Variants in CCBE1 observed in about 807,000 individuals in gnomAD.
CCBE1 encodes the protein collagen and calcium binding EGF domains 1, also known as collagen and calcium-binding EGF domain-containing protein 1.
CCBE1 carries 37 observed loss-of-function variants against 50.0 expected under a neutral mutation model. The ratio of observed to expected loss-of-function variants is 0.74; its 90% CI spans 0.57 to 0.97. The LOEUF is 0.97. Among genes scored for constraint, CCBE1 ranks in the 50% least tolerant of loss-of-function variants. The pLI is 0.00. For synonymous variants in CCBE1, 234 were observed against 203.7 expected (o/e 1.15, Z -1.27); for missense variants, 538 against 523.8 (o/e 1.03, Z -0.26).
chr18:59,591,587 A>G (rs923862618), intron 2 of CCBE1, among the ~76,000 whole-genome samples: 3 of 152,218 alleles, frequency 2.0e-5, no homozygotes, highest in Admixed American at 6.5e-5. Flanking sequence ...AAATGATCTT[A>G]AGTGTGTTAA....
At chr18:59,693,895 C>G (rs563690712) in intron 2 of CCBE1, among the ~76,000 whole-genome samples, 1 of 73,200 alleles carries the variant, frequency 1.4e-5, no homozygotes, top group Admixed American at 2.3e-4. Flanking sequence ...TTTTTTGAGA[C>G]AGAGTCTTGC....
chr18:59,647,933 AACT>A (rs1479960634), intron 2 of CCBE1, among the ~76,000 whole-genome samples: 11 of 152,218 alleles, frequency 7.2e-5, no homozygotes, highest in Admixed American at 6.5e-4. Flanking sequence ...TATTCCCCGA[AACT>A]ACAAAATATT....
chr18:59,660,187 T>G (rs1295860392), intron 2 of CCBE1, among the ~76,000 whole-genome samples: 1 of 152,212 alleles, frequency 6.6e-6, no homozygotes, highest in Non-Finnish European at 1.5e-5. Flanking sequence ...AAGGGATATC[T>G]TTTCCCAGTT....
intron 2 of CCBE1, among the ~76,000 whole-genome samples, chr18:59,591,806 G>A (rs2053273971): frequency 6.6e-6 from 1 of 152,176 alleles, no homozygotes; most frequent in Admixed American, 6.5e-5. Context: ...TCGCTTTTAG[G>A]TATTCGTGCT....
rs944631651 is a variant in CCBE1 at position 59,466,731 on chromosome 18, C to T, written c.553+8G>A. On this transcript the variant is annotated splice_region_variant and intron_variant, in intron 5 of 10. Coordinates refer to ENST00000439986, the MANE Select transcript of CCBE1 (RefSeq NM_133459.4). The stretch of plus-strand genomic sequence containing the variant: ...AATTAGGGAGATATTTAGACTTGCC[C>T]TACTTACCAGTGTCATTGGGATATT... 2.5e-6 allele frequency: 4 copies of T among 1,610,072 alleles called. No individual in the cohort carries two copies. In the African/African-American group the frequency reaches 4.0e-5, roughly 16 times the overall value.
chr18:59,642,704 C>T (rs973820355), intron 2 of CCBE1, among the ~76,000 whole-genome samples: 2 of 152,102 alleles, frequency 1.3e-5, no homozygotes, highest in Admixed American at 6.5e-5. Flanking sequence ...AATCCCAGCA[C>T]TTTGGGAGGC....
chr18:59,632,956 G>A (rs1178248102), intron 2 of CCBE1, among the ~76,000 whole-genome samples: 1 of 152,108 alleles, frequency 6.6e-6, no homozygotes, highest in Non-Finnish European at 1.5e-5. Flanking sequence ...AGACCAAGGG[G>A]AGGACCACAA....
At chr18:59,691,810 AC>A (rs2054737287) in intron 2 of CCBE1, among the ~76,000 whole-genome samples, 1 of 152,172 alleles carries the variant, frequency 6.6e-6, no homozygotes, top group African/African-American at 2.4e-5. Flanking sequence ...TATGCCAGCC[AC>A]AGGACAGGGA....
At chr18:59,536,490 T>A (rs977174377) in intron 2 of CCBE1, among the ~76,000 whole-genome samples, 1 of 152,218 alleles carries the variant, frequency 6.6e-6, no homozygotes, top group Non-Finnish European at 1.5e-5. Flanking sequence ...AAGATTTCTA[T>A]GTTCAAAGGA....
chr18:59,586,930 C>T (rs1226952738), intron 2 of CCBE1, among the ~76,000 whole-genome samples: 1 of 152,152 alleles, frequency 6.6e-6, no homozygotes, highest in African/African-American at 2.4e-5. Context: ...GGATAGCAAA[C>T]TTTCCATGAG....
chr18:59,543,121 A>G (rs1023760134), intron 2 of CCBE1, among the ~76,000 whole-genome samples: 17 of 151,756 alleles, frequency 1.1e-4, no homozygotes, highest in Admixed American at 1.1e-3. Flanking sequence ...TGCTTTCCAT[A>G]TTTTACACAA....
At chr18:59,508,364 G>A (rs982555171) in intron 2 of CCBE1, among the ~76,000 whole-genome samples, 4 of 152,012 alleles carry the variant, frequency 2.6e-5, no homozygotes, top group South Asian at 2.1e-4. Context: ...TTGGGAGGCC[G>A]AGGCAGGTGG....
chr18:59,685,086 A>T (rs1599135924), intron 2 of CCBE1, among the ~76,000 whole-genome samples: 1 of 152,234 alleles, frequency 6.6e-6, no homozygotes, highest in African/African-American at 2.4e-5. Flanking sequence ...ATACTGAGCC[A>T]TGTTTATATC....
At chr18:59,548,739 G>GTGTTCAATAAT (rs1915803951) in intron 2 of CCBE1, among the ~76,000 whole-genome samples, 2 of 152,000 alleles carry the variant, frequency 1.3e-5, no homozygotes, top group Admixed American at 1.3e-4. Context: ...ATTACCTGAG[G>GTGTTCAATAAT]TGTTCAAATA....
chr18:59,491,686 T>G (rs1211032802), intron 2 of CCBE1, among the ~76,000 whole-genome samples: 2 of 151,572 alleles, frequency 1.3e-5, no homozygotes, highest in African/African-American at 4.9e-5. Context: ...TGGTGGCATG[T>G]GCCTGTAGTC....
rs117978774 is a variant in CCBE1, at chr18:59,615,687, C to T, written c.212+80942G>A. The stretch of plus-strand genomic sequence containing the variant: ...ATATAGTTTATTTAACCAGCTGCCT[C>T]GTTCCATAAGGTATGAGGTTATTTC... On this transcript the variant is annotated intron_variant, in intron 2 of 10. Transcript: ENST00000439986. 2.4e-3 allele frequency among the ~76,000 whole-genome samples: 370 copies of T among 152,310 alleles called. 10 individuals carry two copies. In the East Asian group the frequency reaches 0.037, roughly 15 times the overall value.
chr18:59,539,099 C>A (rs934734555), intron 2 of CCBE1, among the ~76,000 whole-genome samples: 3 of 151,946 alleles, frequency 2.0e-5, no homozygotes, highest in Non-Finnish European at 4.4e-5. Flanking sequence ...CCGCTTGAGC[C>A]CAAGAGGTCA....
At position 59,601,010 on chromosome 18, in the gene CCBE1, G is replaced by GT. The variant is rs71177045; in HGVS notation, c.212+95618dup. Among the ~76,000 whole-genome samples the GT allele has an allele frequency of 5.2e-3, 300 of 58,006 alleles. 99 individuals carry two copies. Among genetic ancestry groups the GT allele is most frequent in the Non-Finnish European group, 7.5e-3 (213 of 28,340 alleles). 38.1% of individuals were successfully genotyped at this position (58,006 alleles called of 152,430 possible). On this transcript the variant is annotated intron_variant, in intron 2 of 10. Transcript: ENST00000439986. ...GATCTATTTTATTAGCTATGTGTCA[G>GT]TTTTTTTTTTTTTTTTTTTTTTTTT...
At chr18:59,441,480 T>C (rs1439355275) in intron 7 of CCBE1, among the ~76,000 whole-genome samples, 4 of 85,102 alleles carry the variant, frequency 4.7e-5, no homozygotes, top group African/African-American at 1.5e-4. Flanking sequence ...CGAGACTCCA[T>C]CTCAAAAAAA....
Sources: gnomAD v4.1 joint callset for allele counts (sites outside exome capture counted in the v4.1 genomes callset) on GRCh38, gnomAD v4.1.1 for gene constraint, MANE v1.5 for transcripts, NCBI Gene and HGNC (gene_info 2026-07-23, HGNC 2026-07-21) for gene names.